The following CNIH3 variants were observed in gnomAD, a reference collection of about 807,000 sequenced individuals.
CNIH3 encodes cornichon family AMPA receptor auxiliary protein 3, also known as protein cornichon homolog 3.
CNIH3 carries 14 observed loss-of-function variants against 24.1 expected under a neutral mutation model. The observed-to-expected ratio is 0.58, with a 90% CI of 0.38 to 0.91. The LOEUF (loss-of-function observed/expected upper bound fraction) is 0.91. CNIH3 is among the 40% of genes least tolerant of loss of function. The probability of loss-of-function intolerance (pLI) is 0.00; values close to 1 mark genes in which losing one functional copy is unlikely to be tolerated. For synonymous variants in CNIH3, 68 were observed against 73.8 expected (o/e 0.92, Z 0.40); for missense variants, 178 against 196.8 (o/e 0.90, Z 0.57).
chr1:224,713,538 T>G (rs1688269464), intron 3 of CNIH3, among the ~76,000 whole-genome samples: 1 of 152,242 alleles, frequency 6.6e-6, no homozygotes, highest in South Asian at 2.1e-4. Flanking sequence ...TTCACTTTCC[T>G]ACCTGTAAAG....
At chr1:224,644,153 G>A (rs1398158580) in intron 1 of CNIH3, among the ~76,000 whole-genome samples, 1 of 152,198 alleles carries the variant, frequency 6.6e-6, no homozygotes, top group Non-Finnish European at 1.5e-5. Context: ...CTTGGTGACT[G>A]AATGTGTTGA....
intron 4 of CNIH3, among the ~76,000 whole-genome samples, chr1:224,574,084 T>C (rs892703388): frequency 6.6e-6 from 1 of 152,136 alleles, no homozygotes; most frequent in Non-Finnish European, 1.5e-5. Flanking sequence ...AAATATATAG[T>C]TTATTTTTGA....
chr1:224,459,880 T>TG (rs1171339299), intron 1 of CNIH3, among the ~76,000 whole-genome samples: 5 of 34,912 alleles, frequency 1.4e-4, no homozygotes, highest in Non-Finnish European at 3.3e-4. Context: ...ATGGAACCCC[T>TG]ATTTTTTTTT....
chr1:224,487,430 T>C (rs748220615), intron 1 of CNIH3, among the ~76,000 whole-genome samples: 14 of 152,168 alleles, frequency 9.2e-5, no homozygotes, highest in Non-Finnish European at 1.9e-4. Context: ...CACACACACA[T>C]ATTCCTTTTG....
In CNIH3 at chr1:224,486,778, A is replaced by ATT. The variant is rs544908220; in HGVS notation, n.204-28963_204-28962insTT. On this transcript the variant is annotated intron_variant and non_coding_transcript_variant, in intron 1 of 5. Coordinates refer to the CNIH3 transcript ENST00000471578. ...TGCAAATTGAATAACACTACCTTCA[A>ATT]GATGATTGTTTGGATTAGAAATAAT... is the stretch of plus-strand genomic sequence containing the variant. 9.3e-4 allele frequency among the ~76,000 whole-genome samples: 141 copies of ATT among 152,348 alleles called. 2 individuals are homozygous for ATT. The East Asian group carries it at 0.022, about 24-fold the overall frequency.
chr1:224,454,322 T>G (rs949634742), intron 1 of CNIH3: 1 of 983,230 alleles, frequency 1.0e-6, no homozygotes, highest in African/African-American at 1.8e-5. Context: ...CTAATATTTC[T>G]TTTGCAAAGC....
At position 224,647,164 on chromosome 1, in the gene CNIH3, G is replaced by T. The variant is rs1357364280; in HGVS notation, c.81+29909G>T. Among the ~76,000 whole-genome samples, 3 of 152,086 alleles carry T rather than the reference G, an allele frequency of 2.0e-5. No individual in the cohort carries two copies. The East Asian group carries it at 5.8e-4, about 29-fold the overall frequency. ...CACCCAGCTCACGTCTGTATTTTTA[G>T]TAGAGACAGGGTTTTACCATGTTGG... On this transcript the variant is annotated intron_variant, in intron 1 of 5. Coordinates refer to ENST00000272133, the MANE Select transcript of CNIH3 (RefSeq NM_152495.2).
chr1:224,519,415 C>A (rs186250310), intron 1 of CNIH3, among the ~76,000 whole-genome samples: 2 of 152,148 alleles, frequency 1.3e-5, no homozygotes, highest in Non-Finnish European at 2.9e-5. Flanking sequence ...ACACCACCAG[C>A]CTTCCTGAGT....
chr1:224,556,178 CT>C (rs112250509), intron 3 of CNIH3, among the ~76,000 whole-genome samples: 10,918 of 141,314 alleles, frequency 0.077, 1,183 homozygotes, highest in African/African-American at 0.25. Context: ...GTTTTCCTAT[CT>C]TTTTTTTTTT....
intron 1 of CNIH3, among the ~76,000 whole-genome samples, chr1:224,509,888 C>T (rs1009202266): frequency 3.3e-5 from 5 of 152,158 alleles, no homozygotes; most frequent in East Asian, 1.9e-4. Context: ...CTCCCAGGGG[C>T]GAGCCCCAGC....
chr1:224,552,206 A>G (rs958415869), intron 3 of CNIH3, among the ~76,000 whole-genome samples: 11 of 151,496 alleles, frequency 7.3e-5, no homozygotes, highest in Non-Finnish European at 1.3e-4. Context: ...GATATTACCA[A>G]TAATATCACA....
At chr1:224,654,260 G>T (rs890560923) in intron 1 of CNIH3, among the ~76,000 whole-genome samples, 2 of 151,742 alleles carry the variant, frequency 1.3e-5, no homozygotes, top group African/African-American at 4.8e-5. Context: ...GCGCACACCT[G>T]TAATCCCAGC....
rs1363151143 is a variant in CNIH3 at position 224,484,140 on chromosome 1, T to C, written n.204-31601T>C. Among the ~76,000 whole-genome samples the C allele has an allele frequency of 2.4e-3, 345 of 142,360 alleles. 1 individual carries two copies. Among genetic ancestry groups the C allele is most frequent in the African/African-American group, 8.6e-3 (326 of 37,812 alleles). The allele number at this position is 142,360 out of a possible 152,430, so 93.4% of individuals were successfully genotyped here. A position where few individuals can be genotyped will look rare whatever the true frequency, so the allele number is the denominator to read the frequency against. ...GAGCGGAGATCGCACCATTGCACTCTAGCCTGGGCAACAAGAGCAAAACTC... is the reference window on the plus strand; with the variant it reads ...GAGCGGAGATCGCACCATTGCACTCCAGCCTGGGCAACAAGAGCAAAACTC... On this transcript the variant is annotated intron_variant and non_coding_transcript_variant, in intron 1 of 5. Transcript: ENST00000471578.
intron 1 of CNIH3, among the ~76,000 whole-genome samples, chr1:224,658,664 A>G (rs746105907): frequency 2.0e-4 from 30 of 150,924 alleles, no homozygotes; most frequent in African/African-American, 7.3e-4. Context: ...CCACTTTCCC[A>G]GATAATAAGA....
At chr1:224,683,759 C>T (rs1452040276) in intron 2 of CNIH3, among the ~76,000 whole-genome samples, 1 of 152,216 alleles carries the variant, frequency 6.6e-6, no homozygotes. Context: ...TGTTGTCCTT[C>T]AGGGGCTCTG....
At chr1:224,518,196 G>A (rs569761877) in intron 1 of CNIH3, among the ~76,000 whole-genome samples, 7 of 152,278 alleles carry the variant, frequency 4.6e-5, no homozygotes, top group East Asian at 1.9e-4. Context: ...CATGAACCTC[G>A]TACTTTATGA....
intron 3 of CNIH3, among the ~76,000 whole-genome samples, chr1:224,685,446 G>A (rs969084529): frequency 1.3e-5 from 2 of 152,180 alleles, no homozygotes; most frequent in Non-Finnish European, 1.5e-5. Flanking sequence ...TTGGTATTTA[G>A]CATAGCTCTG....
At chr1:224,619,314 C>T (rs947557335) in intron 1 of CNIH3, among the ~76,000 whole-genome samples, 4 of 152,218 alleles carry the variant, frequency 2.6e-5, no homozygotes, top group African/African-American at 4.8e-5. Flanking sequence ...TGGCTCTATC[C>T]TCCAGCTTCT....
At chr1:224,450,004 G>A (rs1046291637) in intron 1 of CNIH3, among the ~76,000 whole-genome samples, 136 of 147,440 alleles carry the variant, frequency 9.2e-4, no homozygotes, top group African/African-American at 2.9e-3. Flanking sequence ...CATTATACAC[G>A]CACACACACA....
Sources: allele counts gnomAD v4.1 joint callset (sites outside exome capture counted in the v4.1 genomes callset), GRCh38; gene constraint gnomAD v4.1.1; transcripts MANE v1.5; gene names NCBI Gene and HGNC (gene_info 2026-07-23, HGNC 2026-07-21).